The following KIAA0930 variants were observed in gnomAD, a reference collection of about 807,000 sequenced individuals.
KIAA0930 encodes the protein uncharacterized protein KIAA0930.
Under a neutral mutation model 43.9 loss-of-function variants are expected in KIAA0930, and 24 were observed. The observed-to-expected ratio is 0.55, with a 90% CI of 0.40 to 0.77. The LOEUF (loss-of-function observed/expected upper bound fraction) is 0.77. Among genes scored for constraint, KIAA0930 ranks in the 30% least tolerant of loss-of-function variants. The probability of loss-of-function intolerance (pLI) is 0.00; values close to 1 mark genes in which losing one functional copy is unlikely to be tolerated. For missense variants in KIAA0930, 461 were observed against 574.2 expected (o/e 0.80, Z 2.02); for synonymous variants, 259 against 216.4 (o/e 1.20, Z -1.73).
rs1319350842 is a variant in KIAA0930, at chr22:45,193,745, AAAT to A, written c.*3428_*3430del. 11 of 152,232 alleles carry A rather than the reference AAAT, an allele frequency of 7.2e-5. No homozygotes were observed. Among genetic ancestry groups the A allele is most frequent in the African/African-American group, 2.4e-4 (10 of 41,498 alleles). 9.4% of individuals were successfully genotyped at this position (152,232 alleles called of 1,614,324 possible). A position where few individuals can be genotyped will look rare whatever the true frequency, so the allele number is the denominator to read the frequency against. On this transcript the variant is annotated 3_prime_UTR_variant, in exon 10 of 10. Transcript: ENST00000336156. ...TCATGTTTTAAATAATCTTCTTTTG[AAAT>A]AATAAGCCTTAGCTGGCTTTGCAGG...
intron 2 of KIAA0930, chr22:45,211,286 A>C (rs2083691004): frequency 5.0e-6 from 2 of 398,098 alleles, no homozygotes; most frequent in Admixed American, 8.8e-5. Context: ...TATGGAGTTG[A>C]TTAAACATTT....
chr22:45,238,472 A>C (rs969227164), intron 1 of KIAA0930, among the ~76,000 whole-genome samples: 1 of 152,182 alleles, frequency 6.6e-6, no homozygotes, highest in African/African-American at 2.4e-5. Context: ...TTGTCCCAAC[A>C]AACATGTGCC....
In KIAA0930 at chr22:45,199,862, TG is replaced by T. The variant is rs770168781; in HGVS notation, c.1015+10del. The T allele has an allele frequency of 3.2e-6, 5 of 1,552,190 alleles. No homozygotes were observed. The highest frequency in any genetic ancestry group is 2.4e-5 in the East Asian group (1 of 41,934). On this transcript the variant is annotated intron_variant, in intron 8 of 9. Coordinates refer to ENST00000336156, the MANE Select transcript of KIAA0930 (RefSeq NM_001009880.2). ...GGCACGGGGACCCTAGGGCACGGAG[TG>T]GGGGGTCACCTCCACCGTCGTCCTC...
intron 1 of KIAA0930, chr22:45,236,139 C>G (rs1343029955): frequency 1.3e-5 from 2 of 152,328 alleles, no homozygotes; most frequent in East Asian, 3.8e-4. Flanking sequence ...GTGGGTACAT[C>G]CCTCCCCACG....
At chr22:45,204,522 T>C (rs1303676203) in intron 5 of KIAA0930, among the ~76,000 whole-genome samples, 5 of 152,158 alleles carry the variant, frequency 3.3e-5, no homozygotes, top group African/African-American at 1.2e-4. Flanking sequence ...CTCTAGGAGC[T>C]ACGTGTGCCT....
chr22:45,205,770 G>GCGGCCCCCC, intron 3 of KIAA0930, 23 bp downstream of exon 3: 6 of 1,523,764 alleles, frequency 3.9e-6, no homozygotes, highest in Admixed American at 1.7e-5. Flanking sequence ...CCAATCCGCA[G>GCGGCCCCCC]CCCCACCCAT....
At chr22:45,228,647 C>G (rs2083818110) in intron 1 of KIAA0930, among the ~76,000 whole-genome samples, 1 of 151,782 alleles carries the variant, frequency 6.6e-6, no homozygotes, top group African/African-American at 2.4e-5. Flanking sequence ...GCTCAAGGGC[C>G]AGTTCCCCAA....
chr22:45,227,558 T>A (rs796932560), intron 1 of KIAA0930, among the ~76,000 whole-genome samples: 1 of 152,168 alleles, frequency 6.6e-6, no homozygotes, highest in Non-Finnish European at 1.5e-5. Flanking sequence ...CCTGCACAAG[T>A]GCCTTAGCCT....
chr22:45,228,813 T>C (rs1452301654), intron 1 of KIAA0930, among the ~76,000 whole-genome samples: 1 of 55,496 alleles, frequency 1.8e-5, no homozygotes. Context: ...GAGATCCCTC[T>C]CCACCCCCGC....
intron 1 of KIAA0930, among the ~76,000 whole-genome samples, chr22:45,221,859 T>G (rs2083769757): frequency 6.6e-6 from 1 of 152,174 alleles, no homozygotes; most frequent in South Asian, 2.1e-4. Context: ...CTCAGCCTCC[T>G]GAGTAGCTGG....
intron 7 of KIAA0930, chr22:45,201,067 C>T (rs370047180): frequency 2.2e-4 from 109 of 489,712 alleles, no homozygotes; most frequent in African/African-American, 2.0e-3. Context: ...ACTGAGACTT[C>T]GGGAGCCCCG....
intron 2 of KIAA0930, among the ~76,000 whole-genome samples, chr22:45,208,324 C>T (rs1242756937): frequency 6.7e-6 from 1 of 150,242 alleles, no homozygotes. Flanking sequence ...ACCACCGACT[C>T]CACACACATG....
Position 45,198,651 on chromosome 22 carries a change from G to A in KIAA0930, c.1016-703C>T, listed in dbSNP as rs542986079. On this transcript the variant is annotated intron_variant, in intron 8 of 9. Transcript: ENST00000336156. Reference sequence around the variant, plus strand: ...GAGTTGTCAGCGAATCCTTCACGTCGTTTTTTTTTGTTTGTTTTGAGATGG... The same window carrying A: ...GAGTTGTCAGCGAATCCTTCACGTCATTTTTTTTTGTTTGTTTTGAGATGG... Among the ~76,000 whole-genome samples, 5 of 151,576 alleles carry A rather than the reference G, an allele frequency of 3.3e-5. 2 individuals are homozygous for A. Among genetic ancestry groups the A allele is most frequent in the African/African-American group, 1.2e-4 (5 of 41,334 alleles).
At chr22:45,208,828 C>T (rs558296707) in intron 2 of KIAA0930, among the ~76,000 whole-genome samples, 18 of 152,342 alleles carry the variant, frequency 1.2e-4, no homozygotes, top group African/African-American at 3.8e-4. Context: ...GCTTCCTCCC[C>T]GTCTCTGAGC....
At chr22:45,209,623 G>A (rs551053839) in intron 2 of KIAA0930, among the ~76,000 whole-genome samples, 3 of 152,090 alleles carry the variant, frequency 2.0e-5, no homozygotes, top group Admixed American at 6.5e-5. Flanking sequence ...CACCACCGCC[G>A]CCCTGCTCCT....
rs964924206 is a variant in KIAA0930, at chr22:45,197,068, C to T, written c.*108G>A. On this transcript the variant is annotated 3_prime_UTR_variant, in exon 10 of 10. Coordinates refer to ENST00000336156, the MANE Select transcript of KIAA0930 (RefSeq NM_001009880.2). ...CGAGTGGCCTCGCCTGGCTGCGGCT[C>T]CAGCACTGGCGTGCCATCGCAGACC... is the stretch of plus-strand genomic sequence containing the variant. The T allele has an allele frequency of 6.1e-6, 6 of 977,382 alleles. No individual in the cohort carries two copies. In the African/African-American group the frequency reaches 1.0e-4, roughly 17 times the overall value. The allele number at this position is 977,382 out of a possible 1,614,324, so 60.5% of individuals were successfully genotyped here.
intron 8 of KIAA0930, 145 bp from the exon 9 acceptor site, chr22:45,198,093 G>A (rs1250413304): frequency 1.1e-5 from 8 of 710,572 alleles, no homozygotes; most frequent in Non-Finnish European, 1.9e-5. Context: ...GCACCCACAC[G>A]CTCCAGAGCT....
intron 1 of KIAA0930, among the ~76,000 whole-genome samples, chr22:45,212,925 C>T (rs901357688): frequency 1.3e-5 from 2 of 152,210 alleles, no homozygotes. Context: ...TCTGTCCCCT[C>T]TCTAGACAGA....
chr22:45,205,730 G>GCA, intron 3 of KIAA0930, 23 bp from the exon 4 acceptor site: 1 of 1,613,740 alleles, frequency 6.2e-7, no homozygotes, highest in Non-Finnish European at 8.5e-7. Flanking sequence ...ACGGGTCAGC[G>GCA]TGCAGGGAGG....
Sources: allele counts gnomAD v4.1 joint callset (sites outside exome capture counted in the v4.1 genomes callset), GRCh38; gene constraint gnomAD v4.1.1; transcripts MANE v1.5; gene names NCBI Gene and HGNC (gene_info 2026-07-23, HGNC 2026-07-21).